Variants in VSTM4 observed in about 807,000 individuals in gnomAD.
VSTM4 encodes the protein V-set and transmembrane domain-containing protein 4.
A neutral mutation model predicts 36.4 loss-of-function variants in VSTM4; 20 were observed. The observed-to-expected ratio is 0.55, with a 90% CI of 0.39 to 0.80. VSTM4 has a LOEUF of 0.80. VSTM4 is among the 30% of genes least tolerant of loss of function. The probability of loss-of-function intolerance (pLI) is 0.00; values close to 1 mark genes in which losing one functional copy is unlikely to be tolerated. For missense variants in VSTM4, 392 were observed against 404.5 expected (o/e 0.97, Z 0.26); for synonymous variants, 182 against 173.9 (o/e 1.05, Z -0.37).
intron 2 of VSTM4, chr10:49,102,268 C>T (rs1049807398): frequency 3.0e-6 from 1 of 331,506 alleles, no homozygotes; most frequent in African/African-American, 2.2e-5. Context: ...TCCCGAGTAG[C>T]TGGGATTACA....
chr10:49,088,741 C>A (rs1490268733), intron 2 of VSTM4, among the ~76,000 whole-genome samples: 3 of 152,276 alleles, frequency 2.0e-5, no homozygotes, highest in Non-Finnish European at 4.4e-5. Flanking sequence ...CCTGAAAAAG[C>A]TTGGCTGGAT....
At chr10:49,077,794 G>A (rs1241261091) in intron 3 of VSTM4, among the ~76,000 whole-genome samples, 1 of 152,108 alleles carries the variant, frequency 6.6e-6, no homozygotes, top group East Asian at 1.9e-4. Flanking sequence ...GTCTATATTA[G>A]TAAAACTTGA....
At chr10:49,106,646 C>T (rs775494373) in intron 2 of VSTM4, among the ~76,000 whole-genome samples, 16 of 152,204 alleles carry the variant, frequency 1.1e-4, no homozygotes, top group Admixed American at 2.0e-4. Context: ...CCAGGCCTGA[C>T]GACTCACAGC....
At chr10:49,034,562 A>T (rs1360759608) in intron 7 of VSTM4, among the ~76,000 whole-genome samples, 1 of 152,342 alleles carries the variant, frequency 6.6e-6, no homozygotes, top group South Asian at 2.1e-4. Context: ...TATAATAATA[A>T]ATTAGAATTG....
chr10:49,091,561 A>G (rs1001890999), intron 2 of VSTM4, among the ~76,000 whole-genome samples: 1 of 152,152 alleles, frequency 6.6e-6, no homozygotes, highest in Non-Finnish European at 1.5e-5. Flanking sequence ...GAAAACCGAG[A>G]GCCCTAATTC....
chr10:49,054,521 T>C (rs974082066), intron 5 of VSTM4, among the ~76,000 whole-genome samples: 1 of 152,080 alleles, frequency 6.6e-6, no homozygotes, highest in Admixed American at 6.5e-5. Context: ...CTGGAAATCG[T>C]CTGGAACAAG....
intron 2 of VSTM4, among the ~76,000 whole-genome samples, chr10:49,106,795 A>G (rs1844791279): frequency 6.6e-6 from 1 of 152,216 alleles, no homozygotes; most frequent in African/African-American, 2.4e-5. Flanking sequence ...GGCTCCTCAG[A>G]GCCCCTTCTC....
chr10:49,074,723 G>C (rs1414290958), intron 4 of VSTM4, among the ~76,000 whole-genome samples: 1 of 152,228 alleles, frequency 6.6e-6, no homozygotes, highest in African/African-American at 2.4e-5. Flanking sequence ...GGCTAGAGCT[G>C]TCTTGGAAGA....
At chr10:49,103,879 T>C in intron 2 of VSTM4, 1 of 1,610,786 alleles carries the variant, frequency 6.2e-7, no homozygotes, top group Non-Finnish European at 8.5e-7. Flanking sequence ...AGGAGGGAGG[T>C]GACATGAGCA....
At chr10:49,077,163 C>G (rs1297131449) in intron 4 of VSTM4, 56 bp downstream of exon 4, 2 of 1,557,616 alleles carry the variant, frequency 1.3e-6, no homozygotes, top group African/African-American at 2.7e-5. Context: ...CATCTTCCGC[C>G]CGTCTGTGGT....
intron 5 of VSTM4, among the ~76,000 whole-genome samples, chr10:49,060,308 A>G (rs569052035): frequency 6.6e-6 from 1 of 152,190 alleles, no homozygotes; most frequent in Admixed American, 6.5e-5. Flanking sequence ...GCACAATTTT[A>G]TATTCCCACC....
chr10:49,058,008 A>G (rs1442115323), intron 5 of VSTM4, among the ~76,000 whole-genome samples: 2 of 152,154 alleles, frequency 1.3e-5, no homozygotes. Context: ...AAGCCTGTTC[A>G]TTTTGGTGAG....
Position 49,086,710 on chromosome 10 carries a change from C to T in VSTM4, c.458-687G>A, listed in dbSNP as rs569007275. ...GACTGATGAAAAATGTAAAATATCA[C>T]GGAATGAGATTATTGTTCAATAGAA... On this transcript the variant is annotated intron_variant, in intron 2 of 7. Coordinates refer to ENST00000332853, the MANE Select transcript of VSTM4 (RefSeq NM_001031746.5). Among the ~76,000 whole-genome samples the T allele has an allele frequency of 6.6e-5, 10 of 152,208 alleles. No homozygotes were observed. In the South Asian group the frequency reaches 1.0e-3, roughly 16 times the overall value.
At chr10:49,086,133 T>C (rs1844367018) in intron 2 of VSTM4, 110 bp from the exon 3 acceptor site, 1 of 647,576 alleles carries the variant, frequency 1.5e-6, no homozygotes, top group African/African-American at 1.9e-5. Context: ...CATTTAGTTG[T>C]CAAAACTCAC....
At chr10:49,101,040 G>C (rs1279142950) in intron 2 of VSTM4, among the ~76,000 whole-genome samples, 4 of 151,954 alleles carry the variant, frequency 2.6e-5, no homozygotes, top group African/African-American at 9.7e-5. Context: ...AGAGATAAAG[G>C]AGTAAAGCTT....
At chr10:49,053,495 A>G (rs1165696974) in intron 5 of VSTM4, among the ~76,000 whole-genome samples, 1 of 152,226 alleles carries the variant, frequency 6.6e-6, no homozygotes, top group Non-Finnish European at 1.5e-5. Context: ...GCTTCCACCC[A>G]CCAATCTGTA....
At chr10:49,048,446 T>G in intron 6 of VSTM4, 32 bp downstream of exon 6, 1 of 1,547,862 alleles carries the variant, frequency 6.5e-7, no homozygotes, top group Non-Finnish European at 8.7e-7. Context: ...AATGATAGTT[T>G]CCAGGTAAGA....
intron 6 of VSTM4, 93 bp downstream of exon 6, chr10:49,048,385 T>G (rs530061665): frequency 8.8e-7 from 1 of 1,140,418 alleles, no homozygotes; most frequent in African/African-American, 1.6e-5. Flanking sequence ...CCCATCTGCC[T>G]ACGCTCCCTG....
At chr10:49,114,435 A>C (rs4838367) in intron 1 of VSTM4, among the ~76,000 whole-genome samples, 74,091 of 151,656 alleles carry the variant, frequency 0.49, 19,429 homozygotes, top group African/African-American at 0.7. Flanking sequence ...AGCCAGGCTA[A>C]CTGGGTTCAA....
Sources: allele counts gnomAD v4.1 joint callset (sites outside exome capture counted in the v4.1 genomes callset), GRCh38; gene constraint gnomAD v4.1.1; transcripts MANE v1.5; gene names NCBI Gene and HGNC (gene_info 2026-07-23, HGNC 2026-07-21).